Variants in NT5C3A observed in about 807,000 individuals in gnomAD.
The protein encoded by NT5C3A is 5'-nucleotidase, cytosolic IIIA.
In NT5C3A, 23 loss-of-function variants were observed where a neutral mutation model predicts 40.0. That is an observed-to-expected ratio of 0.58 (90% confidence interval 0.41 to 0.81). The LOEUF is 0.81. NT5C3A is among the 40% of genes least tolerant of loss of function. The pLI is 0.00. For missense variants in NT5C3A, 328 were observed against 403.0 expected (o/e 0.81, Z 1.59); for synonymous variants, 130 against 141.4 (o/e 0.92, Z 0.57).
chr7:33,049,190 AATT>A (rs1365108433), intron 1 of NT5C3A, among the ~76,000 whole-genome samples: 3 of 152,188 alleles, frequency 2.0e-5, no homozygotes, highest in South Asian at 4.1e-4. Context: ...ATTCTTTATT[AATT>A]ATTATTATTA....
intron 2 of NT5C3A, among the ~76,000 whole-genome samples, chr7:33,024,669 G>T (rs1366297194): frequency 3.3e-5 from 5 of 152,094 alleles, no homozygotes; most frequent in African/African-American, 1.2e-4. Flanking sequence ...GTATTTTATT[G>T]TATATTTCAA....
intron 1 of NT5C3A, among the ~76,000 whole-genome samples, chr7:33,049,093 G>T (rs1787264854): frequency 6.6e-6 from 1 of 152,066 alleles, no homozygotes; most frequent in Non-Finnish European, 1.5e-5. Context: ...ATCCAGGAAG[G>T]CACTTAGAAT....
chr7:33,056,972 C>T (rs1028398363), intron 1 of NT5C3A, among the ~76,000 whole-genome samples: 7 of 151,990 alleles, frequency 4.6e-5, no homozygotes, highest in African/African-American at 7.2e-5. Flanking sequence ...CCACCATGCC[C>T]GGCTAATTTT....
chr7:33,058,023 CA>C (rs1275865003), intron 1 of NT5C3A, among the ~76,000 whole-genome samples: 1 of 152,186 alleles, frequency 6.6e-6, no homozygotes, highest in Non-Finnish European at 1.5e-5. Context: ...TAAGCAATCT[CA>C]TTTTTTTTTC....
chr7:33,039,026 T>C (rs555657383), intron 1 of NT5C3A: 13 of 404,310 alleles, frequency 3.2e-5, no homozygotes, highest in South Asian at 2.2e-4. Context: ...TGTGTGCTTT[T>C]TGTATGAGAT....
At chr7:33,052,018 A>T (rs1787388803) in intron 1 of NT5C3A, among the ~76,000 whole-genome samples, 1 of 152,226 alleles carries the variant, frequency 6.6e-6, no homozygotes, top group South Asian at 2.1e-4. Context: ...CATCCTCCCA[A>T]GTCCACTGTC....
intron 3 of NT5C3A, among the ~76,000 whole-genome samples, chr7:33,022,813 T>G (rs1459200788): frequency 6.6e-6 from 1 of 152,244 alleles, no homozygotes; most frequent in African/African-American, 2.4e-5. Context: ...ATGTTGAGCT[T>G]AGTCACCATT....
chr7:33,032,620 T>C (rs1247535098), intron 1 of NT5C3A, among the ~76,000 whole-genome samples: 3 of 151,686 alleles, frequency 2.0e-5, no homozygotes, highest in Non-Finnish European at 4.4e-5. Context: ...CACCCTCGGC[T>C]AATTTTTGCA....
At chr7:33,017,317 T>C in intron 7 of NT5C3A, 122 bp downstream of exon 7, 2 of 699,688 alleles carry the variant, frequency 2.9e-6, no homozygotes, top group Non-Finnish European at 4.9e-6. Context: ...AGTCCCACAG[T>C]GGGCCTATCG....
chr7:33,025,010 G>T (rs1562590177), intron 2 of NT5C3A, among the ~76,000 whole-genome samples: 1 of 152,054 alleles, frequency 6.6e-6, no homozygotes, highest in East Asian at 1.9e-4. Flanking sequence ...GTGGTGGCAT[G>T]TGCCTGTAAT....
chr7:33,061,734 A>G (rs1787786694), intron 1 of NT5C3A, among the ~76,000 whole-genome samples: 1 of 152,168 alleles, frequency 6.6e-6, no homozygotes, highest in South Asian at 2.1e-4. Flanking sequence ...TGTATAGCAC[A>G]CGGTCAGGCG....
At chr7:33,040,935 T>C in intron 1 of NT5C3A, 1 of 985,468 alleles carries the variant, frequency 1.0e-6, no homozygotes, top group Non-Finnish European at 1.2e-6. Flanking sequence ...GAAGTACTAA[T>C]ATAGCACAAG....
At chr7:33,036,034 T>G (rs757989275) in intron 1 of NT5C3A, 11 of 1,390,488 alleles carry the variant, frequency 7.9e-6, no homozygotes, top group Non-Finnish European at 1.0e-5. Flanking sequence ...AAAAAAAAAG[T>G]ACACGTGACA....
intron 3 of NT5C3A, 92 bp downstream of exon 3, chr7:33,023,947 T>A: frequency 2.5e-6 from 2 of 797,544 alleles, no homozygotes; most frequent in Non-Finnish European, 4.3e-6. Flanking sequence ...AGAAGAATTT[T>A]AAAAACCCAG....
At chr7:33,038,027 A>G (rs1360891435) in intron 1 of NT5C3A, among the ~76,000 whole-genome samples, 1 of 152,158 alleles carries the variant, frequency 6.6e-6, no homozygotes. Context: ...ATGCAAGTCT[A>G]TTTCTTCATT....
At chr7:33,055,889 T>C (rs563915656) in intron 1 of NT5C3A, among the ~76,000 whole-genome samples, 149 of 152,210 alleles carry the variant, frequency 9.8e-4, no homozygotes, top group African/African-American at 2.8e-3. Flanking sequence ...GGTGGGAAGA[T>C]TGCTTGAGCC....
Position 33,021,324 on chromosome 7 carries a change from CA to C in NT5C3A, c.387del (p.Ile129MetfsTer9). 1 of 1,611,928 alleles carries C rather than the reference CA, an allele frequency of 6.2e-7. No individual in the cohort carries two copies. ...TCTACAGTAAGAACAGGATCAACTT[CA>C]ATAGCGTAATATTTTTCCTTTAGTT... ...LLQLKEKYYA[I>X]EVDPVLTVEE... is the part of the protein sequence containing the mutation. On this transcript the variant is annotated frameshift_variant, in exon 5 of 9. Coordinates refer to ENST00000610140, the MANE Select transcript of NT5C3A (RefSeq NM_001002010.5). LOFTEE classifies it high-confidence loss of function.
intron 1 of NT5C3A, 187 bp from the exon 2 acceptor site, chr7:33,027,102 T>G: frequency 2.0e-6 from 1 of 503,042 alleles, no homozygotes; most frequent in Non-Finnish European, 3.6e-6. Flanking sequence ...TGAGGTCTTG[T>G]TTTGTCACCC....
chr7:33,047,514 T>C (rs1787202122), intron 1 of NT5C3A, among the ~76,000 whole-genome samples: 1 of 152,182 alleles, frequency 6.6e-6, no homozygotes. Flanking sequence ...ATCAATTAAA[T>C]ACATTTTTAA....
Sources: gnomAD v4.1 joint callset for allele counts (sites outside exome capture counted in the v4.1 genomes callset) on GRCh38, gnomAD v4.1.1 for gene constraint, MANE v1.5 for transcripts, NCBI Gene and HGNC (gene_info 2026-07-23, HGNC 2026-07-21) for gene names.